RALGAPA2: variants seen among roughly 807,000 people sequenced by gnomAD.
The protein encoded by RALGAPA2 is ral GTPase-activating protein subunit alpha-2.
RALGAPA2 carries 139 observed loss-of-function variants against 230.4 expected under a neutral mutation model. The ratio of observed to expected loss-of-function variants is 0.60; its 90% CI spans 0.53 to 0.69. The LOEUF is 0.69. Among genes scored for constraint, RALGAPA2 ranks in the 30% least tolerant of loss-of-function variants. The pLI is 0.00. For missense variants in RALGAPA2, 2,163 were observed against 2,276.0 expected (o/e 0.95, Z 1.01); for synonymous variants, 847 against 837.8 (o/e 1.01, Z -0.19).
At chr20:20,574,828 G>C (rs757799791) in intron 20 of RALGAPA2, among the ~76,000 whole-genome samples, 18 of 151,984 alleles carry the variant, frequency 1.2e-4, no homozygotes, top group Non-Finnish European at 2.4e-4. Context: ...TTTAAATTCT[G>C]GATTCCACAT....
chr20:20,645,507 A>G (rs146476190), intron 4 of RALGAPA2, among the ~76,000 whole-genome samples: 1 of 152,218 alleles, frequency 6.6e-6, no homozygotes, highest in Admixed American at 6.5e-5. Context: ...TAGAAAGGGC[A>G]TTACATGCAG....
intron 20 of RALGAPA2, 77 bp from the exon 21 acceptor site, chr20:20,573,145 C>T (rs2064704892): frequency 8.0e-7 from 1 of 1,248,584 alleles, no homozygotes; most frequent in East Asian, 2.8e-5. Context: ...AGGCAAATTA[C>T]CTTAGGTATT....
At chr20:20,702,385 A>C (rs1415087220) in intron 1 of RALGAPA2, among the ~76,000 whole-genome samples, 1 of 152,094 alleles carries the variant, frequency 6.6e-6, no homozygotes, top group East Asian at 1.9e-4. Flanking sequence ...AGGCAGGGAG[A>C]GGATTTAGAC....
At chr20:20,591,581 G>C (rs575568058) in intron 16 of RALGAPA2, among the ~76,000 whole-genome samples, 1 of 152,146 alleles carries the variant, frequency 6.6e-6, no homozygotes, top group East Asian at 1.9e-4. Context: ...AAAAGGTTAA[G>C]AACTGTAAAA....
At chr20:20,396,571 G>A (rs916861595) in intron 39 of RALGAPA2, 124 bp downstream of exon 39, 1 of 857,502 alleles carries the variant, frequency 1.2e-6, no homozygotes, top group Admixed American at 3.2e-5. Flanking sequence ...CCCGGGGAGG[G>A]GAAGGCCCAG....
chr20:20,587,648 A>G (rs1050912232), intron 18 of RALGAPA2, among the ~76,000 whole-genome samples: 3 of 152,146 alleles, frequency 2.0e-5, no homozygotes, highest in African/African-American at 7.2e-5. Context: ...ATGATAATAG[A>G]GAATATCAAA....
chr20:20,589,098 T>G (rs186106409), intron 18 of RALGAPA2, among the ~76,000 whole-genome samples, 170 bp downstream of exon 18: 1 of 152,328 alleles, frequency 6.6e-6, no homozygotes, highest in East Asian at 1.9e-4. Context: ...ACTGTAATTT[T>G]ACATAGAAAG....
At chr20:20,689,516 C>T (rs756512081) in intron 1 of RALGAPA2, among the ~76,000 whole-genome samples, 19 of 152,222 alleles carry the variant, frequency 1.2e-4, no homozygotes, top group African/African-American at 4.1e-4. Flanking sequence ...GTGGTGCACG[C>T]CTGTAATCCC....
intron 3 of RALGAPA2, among the ~76,000 whole-genome samples, chr20:20,663,653 G>A (rs59773076): frequency 0.022 from 3,307 of 152,060 alleles, 125 homozygotes; most frequent in African/African-American, 0.076. Context: ...GCACAGTGGC[G>A]CGATCTCAGC....
intron 30 of RALGAPA2, among the ~76,000 whole-genome samples, chr20:20,522,057 T>C (rs986397721): frequency 6.6e-6 from 1 of 152,186 alleles, no homozygotes; most frequent in African/African-American, 2.4e-5. Flanking sequence ...TAAGCTGCAA[T>C]CACTGAGAGA....
At chr20:20,700,304 G>C (rs957541519) in intron 1 of RALGAPA2, among the ~76,000 whole-genome samples, 1 of 152,058 alleles carries the variant, frequency 6.6e-6, no homozygotes, top group Admixed American at 6.6e-5. Context: ...CTACCTAGAG[G>C]GGGGATGGAG....
At chr20:20,403,400 TC>T (rs1202659466) in intron 38 of RALGAPA2, among the ~76,000 whole-genome samples, 2 of 152,194 alleles carry the variant, frequency 1.3e-5, no homozygotes, top group Non-Finnish European at 2.9e-5. Context: ...TCCCTCTGTG[TC>T]CCCGGGTCTT....
At chr20:20,597,881 A>T (rs2065509053) in intron 16 of RALGAPA2, among the ~76,000 whole-genome samples, 1 of 152,028 alleles carries the variant, frequency 6.6e-6, no homozygotes, top group African/African-American at 2.4e-5. Flanking sequence ...CTAATCTACA[A>T]CGCCAAATTT....
At chr20:20,414,946 C>T (rs183079330) in intron 37 of RALGAPA2, among the ~76,000 whole-genome samples, 6 of 152,358 alleles carry the variant, frequency 3.9e-5, no homozygotes, top group Admixed American at 1.3e-4. Flanking sequence ...AATACATTTT[C>T]GCTCATGGCC....
intron 14 of RALGAPA2, among the ~76,000 whole-genome samples, chr20:20,610,378 C>T (rs1315164056): frequency 2.0e-5 from 3 of 152,324 alleles, no homozygotes; most frequent in Non-Finnish European, 2.9e-5. Flanking sequence ...CACATCTGTT[C>T]CCCAGGCAGC....
chr20:20,558,165 C>T (rs1019732912), intron 23 of RALGAPA2, among the ~76,000 whole-genome samples: 23 of 152,098 alleles, frequency 1.5e-4, no homozygotes, highest in Non-Finnish European at 8.8e-5. Flanking sequence ...CCACTACGCC[C>T]GGCTAATTTT....
intron 37 of RALGAPA2, among the ~76,000 whole-genome samples, chr20:20,419,231 C>G (rs2060227802): frequency 6.6e-6 from 1 of 152,060 alleles, no homozygotes. Flanking sequence ...TTTAGTGTTC[C>G]TTAGAACGTA....
At chr20:20,700,875 C>A (rs2069331195) in intron 1 of RALGAPA2, among the ~76,000 whole-genome samples, 1 of 152,200 alleles carries the variant, frequency 6.6e-6, no homozygotes, top group Non-Finnish European at 1.5e-5. Flanking sequence ...GAAATTCTGA[C>A]TGATGAAAAC....
chr20:20,436,858 T>C (rs1298168742), intron 37 of RALGAPA2, among the ~76,000 whole-genome samples: 1 of 152,210 alleles, frequency 6.6e-6, no homozygotes, highest in Non-Finnish European at 1.5e-5. Flanking sequence ...GACACACTCA[T>C]GTGCCATGCC....
Sources: gnomAD v4.1 joint callset for allele counts (sites outside exome capture counted in the v4.1 genomes callset) on GRCh38, gnomAD v4.1.1 for gene constraint, MANE v1.5 for transcripts, NCBI Gene and HGNC (gene_info 2026-07-23, HGNC 2026-07-21) for gene names.